B3GALNT2: variants seen among roughly 807,000 people sequenced by gnomAD.
B3GALNT2 encodes UDP-GalNAc:beta-1,3-N-acetylgalactosaminyltransferase 2.
B3GALNT2 carries 53 observed loss-of-function variants against 61.1 expected under a neutral mutation model. The ratio of observed to expected loss-of-function variants is 0.87; its 90% confidence interval spans 0.70 to 1.09. The LOEUF (loss-of-function observed/expected upper bound fraction) is 1.09, where lower values mean the gene tolerates loss of function less well. B3GALNT2 is among the 50% of genes least tolerant of loss of function. B3GALNT2 has a pLI of 0.00. For synonymous variants in B3GALNT2, 223 were observed against 237.4 expected (o/e 0.94, Z 0.56); for missense variants, 544 against 623.0 (o/e 0.87, Z 1.35).
At chr1:235,460,733 C>G (rs1338228068) in intron 7 of B3GALNT2, among the ~76,000 whole-genome samples, 3 of 151,814 alleles carry the variant, frequency 2.0e-5, no homozygotes, top group Non-Finnish European at 4.4e-5. Flanking sequence ...GTCACCATAC[C>G]CAGGAAATTT....
the B3GALNT2 span, among the ~76,000 whole-genome samples, chr1:235,440,081 C>T: frequency 3.9e-5 from 6 of 152,218 alleles, no homozygotes; most frequent in Non-Finnish European, 5.9e-5. Flanking sequence ...CGCCATTCTC[C>T]TGCCTCAGCC....
At chr1:235,497,725 G>A (rs1685392617) in intron 1 of B3GALNT2, among the ~76,000 whole-genome samples, 2 of 152,088 alleles carry the variant, frequency 1.3e-5, no homozygotes, top group Non-Finnish European at 2.9e-5. Flanking sequence ...ATTAATTCTA[G>A]CTGCTGCTCA....
At chr1:235,503,007 CT>C (rs1188422785) in intron 1 of B3GALNT2, among the ~76,000 whole-genome samples, 2 of 152,192 alleles carry the variant, frequency 1.3e-5, no homozygotes, top group African/African-American at 4.8e-5. Flanking sequence ...CACACAAATC[CT>C]TTTCAAAGAG....
At chr1:235,440,192 G>A in the B3GALNT2 span, among the ~76,000 whole-genome samples, 13 of 152,060 alleles carry the variant, frequency 8.5e-5, no homozygotes, top group East Asian at 5.9e-4. Context: ...GGATGGTCTC[G>A]ATCTCCTGAC....
intron 5 of B3GALNT2, among the ~76,000 whole-genome samples, chr1:235,478,207 C>T (rs896138847): frequency 8.5e-5 from 13 of 152,086 alleles, no homozygotes; most frequent in East Asian, 3.9e-4. Flanking sequence ...AGCCTACCAC[C>T]GCACCCAGCT....
the B3GALNT2 span, among the ~76,000 whole-genome samples, chr1:235,440,249 C>T: frequency 1.3e-5 from 2 of 152,056 alleles, no homozygotes; most frequent in African/African-American, 2.4e-5. Flanking sequence ...GGATTACAGG[C>T]GTGAGCCACC....
At chr1:235,475,821 T>C (rs1684251615) in intron 5 of B3GALNT2, among the ~76,000 whole-genome samples, 1 of 152,124 alleles carries the variant, frequency 6.6e-6, no homozygotes, top group African/African-American at 2.4e-5. Context: ...ATAGCCACTA[T>C]TAAATAATTG....
intron 10 of B3GALNT2, 57 bp downstream of exon 10, chr1:235,454,099 A>C: frequency 6.7e-7 from 1 of 1,485,378 alleles, no homozygotes; most frequent in Non-Finnish European, 9.1e-7. Flanking sequence ...TTAGCCTCCC[A>C]AAGTGTTGTG....
chr1:235,458,845 C>T lies in B3GALNT2; in HGVS notation c.842-59G>A, dbSNP rs1245399401. On this transcript the variant is annotated intron_variant, in intron 7 of 11. Transcript: ENST00000366600. Reference sequence around the variant, plus strand: ...GCTGTTGTAAAGTTACCATTCAGAACTGATGATGTACACTAAAGTTCTTTT... The same window carrying T: ...GCTGTTGTAAAGTTACCATTCAGAATTGATGATGTACACTAAAGTTCTTTT... The T allele has an allele frequency of 2.6e-5, 36 of 1,410,530 alleles. 1 individual carries two copies. In the East Asian group the frequency reaches 2.7e-4, roughly 10 times the overall value. 87.4% of individuals were successfully genotyped at this position (1,410,530 alleles called of 1,614,324 possible). A position where few individuals can be genotyped will look rare whatever the true frequency, so the allele number is the denominator to read the frequency against.
chr1:235,471,500 C>T lies in B3GALNT2; in HGVS notation c.652-540G>A, dbSNP rs117070975. On this transcript the variant is annotated intron_variant, in intron 5 of 11. Transcript: ENST00000366600. The stretch of plus-strand genomic sequence containing the variant: ...AGATATTTTTATGGATTTTGGTATA[C>T]ACCGCCAACTGCTTTTTGAAAGCAA... Among the ~76,000 whole-genome samples, 162 of 152,256 alleles carry T rather than the reference C, an allele frequency of 1.1e-3. 4 individuals carry two copies. The East Asian group carries it at 0.027, about 25-fold the overall frequency.
At chr1:235,497,053 G>A (rs1350538256) in intron 1 of B3GALNT2, among the ~76,000 whole-genome samples, 3 of 152,138 alleles carry the variant, frequency 2.0e-5, no homozygotes, top group Admixed American at 1.3e-4. Flanking sequence ...TTAGCAATAA[G>A]CGGATCATTG....
intron 4 of B3GALNT2, 152 bp downstream of exon 4, chr1:235,484,170 C>T (rs1242233467): frequency 1.7e-6 from 2 of 1,196,764 alleles, no homozygotes; most frequent in Admixed American, 3.4e-5. Context: ...TATCACACTA[C>T]AGTGTATTTA....
At chr1:235,478,320 G>C (rs291380) in intron 5 of B3GALNT2, among the ~76,000 whole-genome samples, 2 of 151,934 alleles carry the variant, frequency 1.3e-5, no homozygotes, top group Admixed American at 1.3e-4. Context: ...CAAAGTGCTG[G>C]GATTACAGGT....
At chr1:235,477,747 C>A (rs900378715) in intron 5 of B3GALNT2, among the ~76,000 whole-genome samples, 1 of 152,254 alleles carries the variant, frequency 6.6e-6, no homozygotes. Flanking sequence ...CTGCTCTGTG[C>A]GCGGAGGGCA....
chr1:235,478,697 A>G (rs1450182142), intron 5 of B3GALNT2, among the ~76,000 whole-genome samples: 5 of 152,252 alleles, frequency 3.3e-5, no homozygotes, highest in Non-Finnish European at 7.3e-5. Flanking sequence ...ATACTTTCAT[A>G]CAATGTAATT....
chr1:235,448,449 C>T lies in B3GALNT2; in HGVS notation c.*1757G>A. ...CCTATGAAAGTCCCAAAGTAAGTTG[C>T]CCAGCAAAATACAAAGTCAAAGTCA... is the stretch of plus-strand genomic sequence containing the variant. On this transcript the variant is annotated 3_prime_UTR_variant, in exon 12 of 12. Coordinates refer to ENST00000366600, the MANE Select transcript of B3GALNT2 (RefSeq NM_152490.5). The T allele has an allele frequency of 1.9e-6, 3 of 1,613,042 alleles. No individual in the cohort carries two copies. The highest frequency in any genetic ancestry group is 2.5e-6 in the Non-Finnish European group (3 of 1,179,104).
downstream of B3GALNT2, among the ~76,000 whole-genome samples, chr1:235,446,262 G>A (rs1439512713): frequency 1.3e-5 from 2 of 151,866 alleles, no homozygotes; most frequent in African/African-American, 4.8e-5. Context: ...TGCAAACTCT[G>A]CCTTCCGGGT....
downstream of B3GALNT2, among the ~76,000 whole-genome samples, chr1:235,444,403 T>C (rs1450233065): frequency 5.3e-5 from 8 of 152,166 alleles, no homozygotes; most frequent in East Asian, 1.5e-3. Context: ...GTTTTATTTT[T>C]GATATATTTT....
At position 235,450,110 on chromosome 1, in the gene B3GALNT2, C is replaced by G; in HGVS notation, c.*96G>C. 2 of 1,448,204 alleles carry G rather than the reference C, an allele frequency of 1.4e-6. No individual in the cohort carries two copies. Among genetic ancestry groups the G allele is most frequent in the Non-Finnish European group, 1.9e-6 (2 of 1,044,462 alleles). The allele number at this position is 1,448,204 out of a possible 1,614,324, so 89.7% of individuals were successfully genotyped here. A position where few individuals can be genotyped will look rare whatever the true frequency, so the allele number is the denominator to read the frequency against. On this transcript the variant is annotated 3_prime_UTR_variant, in exon 12 of 12. Transcript: ENST00000366600. Reference sequence around the variant, plus strand: ...CCAGTCTGGAACTCTCTTGAAAGACCATACAGTCTACTGCTAAACCCTGGG... The same window carrying G: ...CCAGTCTGGAACTCTCTTGAAAGACGATACAGTCTACTGCTAAACCCTGGG...
Sources: gnomAD v4.1 joint callset for allele counts (sites outside exome capture counted in the v4.1 genomes callset) on GRCh38, gnomAD v4.1.1 for gene constraint, MANE v1.5 for transcripts, NCBI Gene and HGNC (gene_info 2026-07-23, HGNC 2026-07-21) for gene names.